The following MORN1 variants were observed in gnomAD, a reference collection of about 807,000 sequenced individuals.
The protein encoded by MORN1 is MORN repeat-containing protein 1.
A neutral mutation model predicts 61.9 loss-of-function variants in MORN1; 67 were observed. The observed-to-expected ratio is 1.08, with a 90% CI of 0.89 to 1.33. MORN1 has a LOEUF of 1.33. Among genes scored for constraint, MORN1 ranks in the 40% most tolerant of loss-of-function variants. MORN1 has a pLI of 0.00. For missense variants in MORN1, 752 were observed against 691.2 expected (o/e 1.09, Z -0.99); for synonymous variants, 301 against 292.0 (o/e 1.03, Z -0.31).
chr1:2,352,624 G>A (rs1354187409), intron 10 of MORN1: 1 of 152,420 alleles, frequency 6.6e-6, no homozygotes, highest in Non-Finnish European at 1.5e-5. Flanking sequence ...TCCCAGGTGG[G>A]TGTTCCTAGT....
At chr1:2,344,959 C>A (rs572925197) in intron 10 of MORN1, among the ~76,000 whole-genome samples, 17 of 152,172 alleles carry the variant, frequency 1.1e-4, no homozygotes, top group East Asian at 1.9e-4. Context: ...TCACACTCTG[C>A]GCTCATGGAT....
chr1:2,321,434 G>A lies in MORN1; in HGVS notation c.1443C>T (p.Ser481=). ...TGCAGCTGTGGGCGGCCTGCCAGCT[G>A]CTTGAGGCTTCAGGGCCTTCTTCCA... The part of the protein sequence containing the change: ...HVLEEGPEAS[S]SWQAAHSCTP... The change falls in exon 14 of 14, where the codon AGC becomes AGT. Residue 481 remains serine (S), a synonymous_variant. Transcript: ENST00000378531. The A allele has an allele frequency of 6.5e-7, 1 of 1,541,600 alleles. No homozygotes were observed. Among genetic ancestry groups the A allele is most frequent in the East Asian group, 2.5e-5 (1 of 40,150 alleles).
rs775825533 is a variant in MORN1, at chr1:2,390,031, GAC to G, written c.77-37_77-36del. 39 of 1,573,442 alleles carry G rather than the reference GAC, an allele frequency of 2.5e-5. No homozygotes were observed. In the South Asian group the frequency reaches 2.7e-4, roughly 11 times the overall value. On this transcript the variant is annotated intron_variant, in intron 1 of 13. Transcript: ENST00000378531. ...GAGAAGACACACACAGGTAAGCACA[GAC>G]ACAGAGATGAGGGATGCTCTCCAGT... is the stretch of plus-strand genomic sequence containing the variant.
chr1:2,344,162 C>G, intron 10 of MORN1, among the ~76,000 whole-genome samples: 1 of 152,240 alleles, frequency 6.6e-6, no homozygotes, highest in Non-Finnish European at 1.5e-5. Flanking sequence ...ACAGCCACGG[C>G]TGAGGAGGAT....
rs1465721178 is a variant in MORN1, at chr1:2,336,757, G to A, written c.1130C>T (p.Pro377Leu). ...CAGGAACAGGAAGGGGTGGTACCCA[G>A]GCGGGGGCGGCCCCAGGAGGACATC... ...FTDVLLGPPP[P>L]GYHPFLFLDS... Residue 377 changes from proline to leucine, a missense_variant, in exon 11 of 14, where the codon CCT (proline) becomes CTT (leucine). Coordinates refer to ENST00000378531, the MANE Select transcript of MORN1 (RefSeq NM_024848.3). 1.2e-6 allele frequency: 2 copies of A among 1,600,766 alleles called. No individual in the cohort carries two copies. The highest frequency in any genetic ancestry group is 8.5e-7 in the Non-Finnish European group (1 of 1,174,216).
chr1:2,389,805 G>C, intron 2 of MORN1, 120 bp downstream of exon 2: 5 of 862,698 alleles, frequency 5.8e-6, no homozygotes, highest in Non-Finnish European at 9.5e-6. Context: ...GGAAGCACCA[G>C]GGTACAATGG....
chr1:2,332,977 C>T (rs944092131), intron 12 of MORN1, among the ~76,000 whole-genome samples: 1 of 152,206 alleles, frequency 6.6e-6, no homozygotes, highest in African/African-American at 2.4e-5. Flanking sequence ...CTTCACCCAA[C>T]TGACCTCTGG....
intron 4 of MORN1, 184 bp downstream of exon 4, chr1:2,387,235 G>C (rs886885847): frequency 1.6e-6 from 1 of 616,156 alleles, no homozygotes; most frequent in South Asian, 1.8e-5. Flanking sequence ...TGGGCATACT[G>C]GTGTATGCCG....
Position 2,337,963 on chromosome 1 carries a change from G to T in MORN1, c.1037-1113C>A, listed in dbSNP as rs1641314515. Among the ~76,000 whole-genome samples, 1 of 152,332 alleles carries T rather than the reference G, an allele frequency of 6.6e-6. No homozygotes were observed. Among genetic ancestry groups the T allele is most frequent in the Admixed American group, 6.5e-5 (1 of 15,308 alleles). Reference sequence around the variant, plus strand: ...AAGACAGTGCCCAGGAGGGAAGGAGGAGTCAGGGGCTGCTGAGGGGTGCAC... The same window carrying T: ...AAGACAGTGCCCAGGAGGGAAGGAGTAGTCAGGGGCTGCTGAGGGGTGCAC... On this transcript the variant is annotated intron_variant, in intron 10 of 13. Coordinates refer to ENST00000378531, the MANE Select transcript of MORN1 (RefSeq NM_024848.3). The surrounding 1 kb of genome is among the most constrained non-coding windows in gnomAD (Gnocchi z 5.7).
intron 12 of MORN1, among the ~76,000 whole-genome samples, chr1:2,324,526 G>A (rs1640955956): frequency 6.6e-6 from 1 of 152,220 alleles, no homozygotes; most frequent in African/African-American, 2.4e-5. Flanking sequence ...GAGACGGCGA[G>A]GCTGGAGCCT....
rs112498079 is a variant in MORN1 at position 2,355,209 on chromosome 1, T to C, written c.1036+2223A>G. On this transcript the variant is annotated intron_variant, in intron 10 of 13. Transcript: ENST00000378531. ...TATTTTTATGCAGAAATATGAGAGC[T>C]ATTCCACCTATGCGGTGTGGAACTG... 3.8e-6 allele frequency: 5 copies of C among 1,313,578 alleles called. No individual in the cohort carries two copies. The African/African-American group carries it at 4.5e-5, about 12-fold the overall frequency. The allele number at this position is 1,313,578 out of a possible 1,614,324, so 81.4% of individuals were successfully genotyped here.
intron 6 of MORN1, among the ~76,000 whole-genome samples, chr1:2,380,808 GGCCTCCCAAAGT>G (rs1026617065): frequency 2.0e-5 from 3 of 152,122 alleles, no homozygotes; most frequent in African/African-American, 7.2e-5. Flanking sequence ...CTCCCACCTC[GGCCTCCCAAAGT>G]GCTGAGAGTA....
At chr1:2,380,637 C>T (rs779035104) in intron 6 of MORN1, among the ~76,000 whole-genome samples, 8 of 152,120 alleles carry the variant, frequency 5.3e-5, no homozygotes, top group Non-Finnish European at 1.2e-4. Context: ...CTCTGCCTCC[C>T]AGGTTCAAGC....
At position 2,352,016 on chromosome 1, in the gene MORN1, T is replaced by TA. The variant is rs1553213643; in HGVS notation, c.1036+5415dup. On this transcript the variant is annotated intron_variant, in intron 10 of 13. Transcript: ENST00000378531. Reference sequence around the variant, plus strand: ...GAATGAGACCCCCTCCACCAGGAATTAGAGGTCCACCTCCCCTAGGAATGA... The same window carrying TA: ...GAATGAGACCCCCTCCACCAGGAATTAAGAGGTCCACCTCCCCTAGGAATGA... 7.5e-6 allele frequency: 4 copies of TA among 536,332 alleles called. No individual in the cohort carries two copies. The East Asian group carries it at 1.8e-4, about 24-fold the overall frequency. 33.2% of individuals were successfully genotyped at this position (536,332 alleles called of 1,614,324 possible).
intron 8 of MORN1, 140 bp from the exon 9 acceptor site, chr1:2,358,855 G>A (rs1258230627): frequency 2.0e-6 from 2 of 1,019,926 alleles, no homozygotes; most frequent in African/African-American, 1.6e-5. Context: ...CTGGTGGGCT[G>A]AGGACCCCGG....
chr1:2,321,967 C>CT, intron 13 of MORN1: 2 of 969,568 alleles, frequency 2.1e-6, no homozygotes, highest in Non-Finnish European at 2.5e-6. Flanking sequence ...TACTTTCCTA[C>CT]TTTTTTAGGA....
intron 2 of MORN1, among the ~76,000 whole-genome samples, chr1:2,388,955 T>C (rs1642573348): frequency 6.6e-6 from 1 of 151,484 alleles, no homozygotes; most frequent in Admixed American, 6.6e-5. Flanking sequence ...CTACTAAAAA[T>C]ACAAAAATTA....
intron 6 of MORN1, chr1:2,375,276 T>A (rs1557888215): frequency 6.6e-6 from 1 of 152,230 alleles, no homozygotes; most frequent in African/African-American, 2.4e-5. Flanking sequence ...CCAAGTGGGC[T>A]CCTGCTTCCC....
At chr1:2,322,312 G>A (rs1375085149) in intron 13 of MORN1, 9 of 985,276 alleles carry the variant, frequency 9.1e-6, no homozygotes, top group African/African-American at 3.5e-5. Context: ...CGTGGAAAAA[G>A]CGCCTCGGCT....
Sources: allele counts gnomAD v4.1 joint callset (sites outside exome capture counted in the v4.1 genomes callset), GRCh38; gene constraint gnomAD v4.1.1; non-coding constraint Gnocchi (gnomAD v3.1); transcripts MANE v1.5; gene names NCBI Gene and HGNC (gene_info 2026-07-23, HGNC 2026-07-21).